MAP2K2: variants seen among roughly 807,000 people sequenced by gnomAD.
The protein encoded by MAP2K2 is dual specificity mitogen-activated protein kinase kinase 2.
MAP2K2 carries 24 observed loss-of-function variants against 43.7 expected under a neutral mutation model. That is an observed-to-expected ratio of 0.55 (90% CI 0.40 to 0.77). The LOEUF is 0.77. MAP2K2 is among the 30% of genes least tolerant of loss of function. The probability of loss-of-function intolerance (pLI) is 0.00; values close to 1 mark genes in which losing one functional copy is unlikely to be tolerated. For synonymous variants in MAP2K2, 244 were observed against 239.7 expected, an observed-to-expected ratio of 1.02 and a Z score of -0.17; for missense variants, 470 against 566.8, an observed-to-expected ratio of 0.83 and a Z score of 1.73.
At chr19:4,111,846 G>A (rs1045699679) in intron 2 of MAP2K2, among the ~76,000 whole-genome samples, 1 of 152,100 alleles carries the variant, frequency 6.6e-6, no homozygotes, top group Non-Finnish European at 1.5e-5. Context: ...CCAGCTACTC[G>A]GGAGGCTGAG....
chr19:4,093,028 G>C (rs1488777173), intron 10 of MAP2K2, among the ~76,000 whole-genome samples: 1 of 152,246 alleles, frequency 6.6e-6, no homozygotes, highest in East Asian at 1.9e-4. Context: ...GGCCAACACG[G>C]GGAAACCCCA....
chr19:4,103,120 G>T, intron 3 of MAP2K2: 2 of 997,614 alleles, frequency 2.0e-6, no homozygotes, highest in Non-Finnish European at 2.4e-6. Flanking sequence ...CTGCAGGAGG[G>T]ATCCCAGTGA....
At chr19:4,097,233 G>GA (rs2040931805) in intron 8 of MAP2K2, 46 bp downstream of exon 8, 1 of 787,450 alleles carries the variant, frequency 1.3e-6, no homozygotes, top group African/African-American at 2.0e-5. Flanking sequence ...AAAAAAGAAA[G>GA]AAGAAAGAAA....
rs142381968 is a variant in MAP2K2, at chr19:4,093,742, C to T, written c.1092+711G>A. On this transcript the variant is annotated intron_variant, in intron 10 of 10. Coordinates refer to ENST00000262948, the MANE Select transcript of MAP2K2 (RefSeq NM_030662.4). ...CCACATTCCAGTATTAGAAGGCACC[C>T]GGTTGGGTGTCTGTAGCTGGCATCT... Among the ~76,000 whole-genome samples the T allele has an allele frequency of 2.6e-5, 4 of 152,212 alleles. No homozygotes were observed. In the East Asian group the frequency reaches 5.8e-4, roughly 22 times the overall value.
chr19:4,108,041 G>C (rs1000917614), intron 3 of MAP2K2, among the ~76,000 whole-genome samples: 4 of 152,188 alleles, frequency 2.6e-5, no homozygotes, highest in Non-Finnish European at 5.9e-5. Context: ...GGGAGGGAAT[G>C]AATCAGGTGC....
chr19:4,123,738 C>G lies in MAP2K2; in HGVS notation c.92+46G>C, dbSNP rs200190981. On this transcript the variant is annotated intron_variant, in intron 1 of 10. Coordinates refer to ENST00000262948, the MANE Select transcript of MAP2K2 (RefSeq NM_030662.4). ...TCGCCCCGTCCTTCCCCGAGGGCTC[C>G]CTGCCCCGTGCACCCCAAGCCTCCG... 5.9e-5 allele frequency: 86 copies of G among 1,461,796 alleles called. No individual in the cohort carries two copies. The African/African-American group carries it at 1.2e-3, about 21-fold the overall frequency. 90.6% of individuals were successfully genotyped at this position (1,461,796 alleles called of 1,614,324 possible).
Position 4,101,513 on chromosome 19 carries a change from C to CG in MAP2K2, c.529-234dup, listed in dbSNP as rs2041011994. On this transcript the variant is annotated intron_variant, in intron 4 of 10. Coordinates refer to ENST00000262948, the MANE Select transcript of MAP2K2 (RefSeq NM_030662.4). This position sits in a 1 kb window ranked among gnomAD's most constrained non-coding sequence, Gnocchi z 6.3. Reference sequence around the variant, plus strand: ...ACCCCGGTTCCCATGGCCGCAGTGCCGCCGATGCCACTACTGCCTTTGATT... The same window carrying CG: ...ACCCCGGTTCCCATGGCCGCAGTGCCGGCCGATGCCACTACTGCCTTTGATT... Among the ~76,000 whole-genome samples the CG allele has an allele frequency of 6.6e-6, 1 of 152,180 alleles. No individual in the cohort carries two copies. The highest frequency in any genetic ancestry group is 1.5e-5 in the Non-Finnish European group (1 of 68,022).
intron 10 of MAP2K2, 91 bp from the exon 11 acceptor site, chr19:4,090,799 G>C (rs576965361): frequency 1.2e-5 from 10 of 850,668 alleles, no homozygotes; most frequent in Non-Finnish European, 1.8e-5. Flanking sequence ...CAGATGGTAC[G>C]GGACAGAAAG....
intron 3 of MAP2K2, among the ~76,000 whole-genome samples, chr19:4,108,418 ATTTT>A (rs71166960): frequency 2.3e-5 from 3 of 128,274 alleles, no homozygotes; most frequent in African/African-American, 3.0e-5. Context: ...TTTTTTTTGT[ATTTT>A]TTTTTTTTTT....
In MAP2K2 at chr19:4,101,210, AG is replaced by A; in HGVS notation, c.580+18del. 2 of 843,504 alleles carry A rather than the reference AG, an allele frequency of 2.4e-6. No individual in the cohort carries two copies. Among genetic ancestry groups the A allele is most frequent in the Non-Finnish European group, 3.5e-6 (2 of 574,828 alleles). The allele number at this position is 843,504 out of a possible 1,614,324, so 52.3% of individuals were successfully genotyped here. On this transcript the variant is annotated intron_variant, in intron 5 of 10. Coordinates refer to ENST00000262948, the MANE Select transcript of MAP2K2 (RefSeq NM_030662.4). The surrounding 1 kb of genome is among the most constrained non-coding windows in gnomAD (Gnocchi z 6.3). The stretch of plus-strand genomic sequence containing the variant: ...CCTGCCGGCCCCCGGGGCTCTGGGG[AG>A]GGCGGGCTGGGCCTTACCTCGGTGC...
In MAP2K2 at chr19:4,101,493, G is replaced by A. The variant is rs1321300994; in HGVS notation, c.529-213C>T. Among the ~76,000 whole-genome samples the A allele has an allele frequency of 6.6e-6, 1 of 152,198 alleles. No individual in the cohort carries two copies. Among genetic ancestry groups the A allele is most frequent in the African/African-American group, 2.4e-5 (1 of 41,442 alleles). The stretch of plus-strand genomic sequence containing the variant: ...GTGCTGGCGTGTGCAAGTCAACCCC[G>A]GTTCCCATGGCCGCAGTGCCGCCGA... On this transcript the variant is annotated intron_variant, in intron 4 of 10. Coordinates refer to ENST00000262948, the MANE Select transcript of MAP2K2 (RefSeq NM_030662.4). The surrounding 1 kb of genome is among the most constrained non-coding windows in gnomAD (Gnocchi z 6.3).
intron 3 of MAP2K2, chr19:4,103,106 T>C (rs1465479714): frequency 2.0e-6 from 2 of 1,010,966 alleles, no homozygotes. Context: ...AGGGGGTGCA[T>C]GGACTGCAGG....
At chr19:4,114,573 C>T (rs573686371) in intron 2 of MAP2K2, among the ~76,000 whole-genome samples, 1 of 152,354 alleles carries the variant, frequency 6.6e-6, no homozygotes, top group Non-Finnish European at 1.5e-5. Flanking sequence ...GCCCAGGTAA[C>T]GCGGGGACGC....
rs539583316 is a variant in MAP2K2 at position 4,094,595 on chromosome 19, G to A, written c.1047-97C>T. On this transcript the variant is annotated intron_variant, in intron 9 of 10. Coordinates refer to ENST00000262948, the MANE Select transcript of MAP2K2 (RefSeq NM_030662.4). ...GGGCACCCGCGTGTGGGCCGTGGTC[G>A]GAGGGGGCCTGGATCTCTCCGACCA... 1.0e-4 allele frequency: 123 copies of A among 1,176,712 alleles called. No homozygotes were observed. In the East Asian group the frequency reaches 2.6e-3, roughly 25 times the overall value. 72.9% of individuals were successfully genotyped at this position (1,176,712 alleles called of 1,614,324 possible).
intron 1 of MAP2K2, among the ~76,000 whole-genome samples, chr19:4,118,944 C>A (rs960663325): frequency 3.3e-5 from 5 of 152,222 alleles, no homozygotes; most frequent in Admixed American, 1.3e-4. Flanking sequence ...GCAATGCACA[C>A]AGGAACCCAT....
At chr19:4,098,191 C>T (rs183983257) in intron 7 of MAP2K2, among the ~76,000 whole-genome samples, 4 of 152,286 alleles carry the variant, frequency 2.6e-5, no homozygotes, top group East Asian at 3.9e-4. Context: ...GGAGAGAAGC[C>T]ACACACAAAA....
intron 2 of MAP2K2, among the ~76,000 whole-genome samples, chr19:4,111,687 G>A (rs1324409447): frequency 1.3e-5 from 2 of 152,222 alleles, no homozygotes; most frequent in Admixed American, 6.5e-5. Context: ...CTGGTGTGTG[G>A]CTCACGCCTG....
chr19:4,098,632 C>T (rs1037826074), intron 7 of MAP2K2, among the ~76,000 whole-genome samples: 8 of 152,290 alleles, frequency 5.3e-5, no homozygotes, highest in African/African-American at 1.2e-4. Flanking sequence ...CTCCCGCTCC[C>T]GAGGTGCCCG....
intron 9 of MAP2K2, chr19:4,094,878 C>T (rs1599281719): frequency 1.3e-5 from 5 of 392,164 alleles, no homozygotes; most frequent in Admixed American, 7.7e-5. Flanking sequence ...AGTGCGGTGC[C>T]GTTCCACGGC....
Sources: gnomAD v4.1 joint callset for allele counts (sites outside exome capture counted in the v4.1 genomes callset) on GRCh38, gnomAD v4.1.1 for gene constraint, Gnocchi (gnomAD v3.1) non-coding constraint, MANE v1.5 for transcripts, NCBI Gene and HGNC (gene_info 2026-07-23, HGNC 2026-07-21) for gene names.